APBA1: variants seen among roughly 807,000 people sequenced by gnomAD.
The protein encoded by APBA1 is amyloid beta precursor protein binding family A member 1.
APBA1 carries 55 observed loss-of-function variants against 86.6 expected under a neutral mutation model. The ratio of observed to expected loss-of-function variants is 0.64; its 90% confidence interval spans 0.51 to 0.80. The LOEUF is 0.80. Among genes scored for constraint, APBA1 ranks in the 30% least tolerant of loss-of-function variants. The probability of loss-of-function intolerance (pLI) is 0.00; values close to 1 mark genes in which losing one functional copy is unlikely to be tolerated. For missense variants in APBA1, 1,090 were observed against 1,183.0 expected, an observed-to-expected ratio of 0.92 and a Z score of 1.15; for synonymous variants, 511 against 493.9, an observed-to-expected ratio of 1.03 and a Z score of -0.46.
Position 69,431,417 on chromosome 9 carries a change from C to G in APBA1, c.2443-19G>C. The G allele has an allele frequency of 1.2e-6, 2 of 1,610,106 alleles. No homozygotes were observed. Among genetic ancestry groups the G allele is most frequent in the African/African-American group, 1.3e-5 (1 of 74,886 alleles). On this transcript the variant is annotated intron_variant, in intron 12 of 12. Transcript: ENST00000265381. ...TATGAATCTGAGGGTAAAGAACACA[C>G]TTTAGTGGGGGGCTGAGGCTGGGGG...
chr9:69,473,425 TG>T (rs1835395298), intron 3 of APBA1, among the ~76,000 whole-genome samples: 1 of 152,220 alleles, frequency 6.6e-6, no homozygotes, highest in South Asian at 2.1e-4. Context: ...AACTATAGCC[TG>T]GGGTAATGAG....
chr9:69,544,757 A>G (rs1836670409), intron 1 of APBA1, among the ~76,000 whole-genome samples: 1 of 152,262 alleles, frequency 6.6e-6, no homozygotes, highest in Admixed American at 6.5e-5. Flanking sequence ...ATATGCTCAA[A>G]ATATACCATT....
intron 1 of APBA1, among the ~76,000 whole-genome samples, chr9:69,611,285 GA>G (rs56357426): frequency 0.29 from 32,832 of 112,018 alleles, 4,146 homozygotes; most frequent in African/African-American, 0.41. Flanking sequence ...ACCAGAAAAG[GA>G]AAAAAAAAAA....
chr9:69,670,091 A>G (rs1210550630), intron 1 of APBA1, among the ~76,000 whole-genome samples: 2 of 152,218 alleles, frequency 1.3e-5, no homozygotes, highest in Non-Finnish European at 2.9e-5. Flanking sequence ...TTATAAATCT[A>G]TCCTTAAATC....
At chr9:69,620,703 C>G (rs1822798790) in intron 1 of APBA1, among the ~76,000 whole-genome samples, 1 of 152,130 alleles carries the variant, frequency 6.6e-6, no homozygotes, top group Admixed American at 6.6e-5. Flanking sequence ...AACTGAGAGA[C>G]AGAGTGCCAC....
At chr9:69,485,060 C>T (rs866918987) in intron 2 of APBA1, among the ~76,000 whole-genome samples, 4 of 151,956 alleles carry the variant, frequency 2.6e-5, no homozygotes, top group Non-Finnish European at 4.4e-5. Flanking sequence ...AAGCAATCCT[C>T]CTGCCTCAGC....
Position 69,431,357 on chromosome 9 carries a change from C to T in APBA1, c.2484G>A (p.Leu828=), listed in dbSNP as rs772752208. The change falls in exon 13 of 13, where the codon CTG becomes CTA. Residue 828 remains leucine, a synonymous_variant. Transcript: ENST00000265381. ...TGTAAACAGGCTGCTCCTGGGCCGT[C>T]AGCAGCCTGTACATCGCGGCTGGCA... is the stretch of plus-strand genomic sequence containing the variant. ...KTMPAAMYRL[L]TAQEQPVYI 6.2e-7 allele frequency: 1 copy of T among 1,612,742 alleles called. No homozygotes were observed. The highest frequency in any genetic ancestry group is 2.2e-5 in the East Asian group (1 of 44,744).
At chr9:69,476,178 TGA>T in intron 2 of APBA1, 35 bp from the exon 3 acceptor site, 6 of 1,519,316 alleles carry the variant, frequency 3.9e-6, no homozygotes, top group Non-Finnish European at 4.5e-6. Flanking sequence ...AGTGAGAACT[TGA>T]GAGACTCGGC....
At chr9:69,603,158 T>C (rs1822388999) in intron 1 of APBA1, among the ~76,000 whole-genome samples, 1 of 152,192 alleles carries the variant, frequency 6.6e-6, no homozygotes, top group Non-Finnish European at 1.5e-5. Context: ...TTCACATGCC[T>C]TATGCCACAA....
At chr9:69,557,759 C>T (rs1427911872) in intron 1 of APBA1, among the ~76,000 whole-genome samples, 1 of 152,202 alleles carries the variant, frequency 6.6e-6, no homozygotes. Flanking sequence ...TGCATTCTCT[C>T]CTGTTTGCCA....
In APBA1 at chr9:69,634,757, C is replaced by T. The variant is rs112987080; in HGVS notation, c.-70+37396G>A. Among the ~76,000 whole-genome samples, 280 of 152,254 alleles carry T rather than the reference C, an allele frequency of 1.8e-3. 1 individual carries two copies. The highest frequency in any genetic ancestry group is 0.017 in the South Asian group (81 of 4,826). ...AAGAAACAAACAACATACAATGGAA[C>T]TCTAATACATCTGGCAGCAGACTTT... On this transcript the variant is annotated intron_variant, in intron 1 of 12. Transcript: ENST00000265381.
chr9:69,455,301 G>C (rs904971634), intron 8 of APBA1, among the ~76,000 whole-genome samples: 1 of 152,066 alleles, frequency 6.6e-6, no homozygotes, highest in Non-Finnish European at 1.5e-5. Flanking sequence ...CCCTCAGGGG[G>C]TGGGTGAGTT....
At chr9:69,649,557 G>C (rs959615128) in intron 1 of APBA1, among the ~76,000 whole-genome samples, 3 of 152,116 alleles carry the variant, frequency 2.0e-5, no homozygotes, top group Non-Finnish European at 4.4e-5. Context: ...GTGTGGTTTT[G>C]TGCAAGTGCC....
intron 2 of APBA1, among the ~76,000 whole-genome samples, chr9:69,512,606 T>C (rs555898064): frequency 6.6e-6 from 1 of 152,312 alleles, no homozygotes; most frequent in Admixed American, 6.5e-5. Context: ...TAAAACTTTA[T>C]CTGTGCTAAT....
intron 1 of APBA1, among the ~76,000 whole-genome samples, chr9:69,641,956 C>T (rs906765036): frequency 3.3e-5 from 5 of 152,204 alleles, no homozygotes; most frequent in Admixed American, 1.3e-4. Flanking sequence ...ACCGATTCTC[C>T]TGCTTCAGCC....
At chr9:69,455,800 A>C (rs1038457368) in intron 8 of APBA1, among the ~76,000 whole-genome samples, 50 of 152,296 alleles carry the variant, frequency 3.3e-4, no homozygotes, top group African/African-American at 1.2e-3. Flanking sequence ...AAAGTCGCTA[A>C]TAGCTTGGCC....
chr9:69,655,817 T>C (rs1823596845), intron 1 of APBA1, among the ~76,000 whole-genome samples: 1 of 152,120 alleles, frequency 6.6e-6, no homozygotes, highest in South Asian at 2.1e-4. Context: ...ATAGGAGGAA[T>C]AAGTTCTGTT....
chr9:69,542,849 C>T (rs1042948742), intron 1 of APBA1, among the ~76,000 whole-genome samples: 1 of 152,162 alleles, frequency 6.6e-6, no homozygotes, highest in African/African-American at 2.4e-5. Flanking sequence ...GTATTTCACC[C>T]TAGTTGTATT....
intron 11 of APBA1, among the ~76,000 whole-genome samples, chr9:69,436,713 A>G (rs1444306062): frequency 6.6e-6 from 1 of 152,052 alleles, no homozygotes; most frequent in Non-Finnish European, 1.5e-5. Context: ...CAATCATGTC[A>G]TCTGCAAACA....
Sources: allele counts gnomAD v4.1 joint callset (sites outside exome capture counted in the v4.1 genomes callset), GRCh38; gene constraint gnomAD v4.1.1; transcripts MANE v1.5; gene names NCBI Gene and HGNC (gene_info 2026-07-23, HGNC 2026-07-21).